Variants in CBLC observed in about 807,000 individuals in gnomAD.
The protein encoded by CBLC is Cbl proto-oncogene C, also known as E3 ubiquitin-protein ligase CBL-C.
In CBLC, 46 loss-of-function variants were observed where a neutral mutation model predicts 58.6. That is an observed-to-expected ratio of 0.79 (90% confidence interval 0.62 to 1.00). The LOEUF (loss-of-function observed/expected upper bound fraction) is 1.00, where lower values mean the gene tolerates loss of function less well. Among genes scored for constraint, CBLC ranks in the 50% least tolerant of loss-of-function variants. CBLC has a pLI of 0.00. For synonymous variants in CBLC, 271 were observed against 264.2 expected, an observed-to-expected ratio of 1.03 and a Z score of -0.25; for missense variants, 655 against 625.8, an observed-to-expected ratio of 1.05 and a Z score of -0.50.
chr19:44,796,799 G>A (rs2927444), intron 9 of CBLC, among the ~76,000 whole-genome samples: 3,231 of 152,042 alleles, frequency 0.021, 119 homozygotes, highest in African/African-American at 0.071. Context: ...ATCTCCGGCT[G>A]AGTACACACA....
At position 44,778,197 on chromosome 19, in the gene CBLC, C is replaced by A. The variant is rs1377862471; in HGVS notation, c.266C>A (p.Ala89Asp). 2.6e-6 allele frequency: 4 copies of A among 1,511,764 alleles called. No homozygotes were observed. In the East Asian group the frequency reaches 7.5e-5, roughly 28 times the overall value. 93.6% of individuals were successfully genotyped at this position (1,511,764 alleles called of 1,614,324 possible). The stretch of plus-strand genomic sequence containing the variant: ...CTCATCTACCTGGCCAATCTGGAGG[C>A]CAAGAGCAGGCAGGTGGCCGCGCTG... ...FLLIYLANLEAKSRQVAALLP... is the reference protein window; with the variant it reads ...FLLIYLANLEDKSRQVAALLP... Residue 89 changes from alanine to aspartate, a missense_variant, in exon 1 of 11, where the codon GCC (alanine) becomes GAC (aspartate). Physicochemically the swap from Ala to Asp is moderately radical, Grantham distance 126 (BLOSUM62 -2). Around this residue, in one of 3 missense-constraint regions of CBLC, gnomAD observed 280 missense variants for 237.2 expected, o/e 1.18. Coordinates refer to ENST00000647358, the MANE Select transcript of CBLC (RefSeq NM_012116.4).
At chr19:44,797,997 G>C (rs1968214023) in intron 9 of CBLC, among the ~76,000 whole-genome samples, 1 of 152,152 alleles carries the variant, frequency 6.6e-6, no homozygotes, top group Non-Finnish European at 1.5e-5. Flanking sequence ...CCGTGGTTGT[G>C]ATCTGTGTAT....
At chr19:44,793,441 A>G in intron 7 of CBLC, 33 bp from the exon 8 acceptor site, 2 of 1,567,590 alleles carry the variant, frequency 1.3e-6, no homozygotes, top group Non-Finnish European at 1.7e-6. Context: ...AGAGCAGGGG[A>G]GCACTGACCC....
chr19:44,791,538 G>T (rs1475248379), intron 6 of CBLC, among the ~76,000 whole-genome samples: 2 of 152,010 alleles, frequency 1.3e-5, no homozygotes, highest in African/African-American at 2.4e-5. Flanking sequence ...TTCGAGACTA[G>T]CATGGCCAAC....
chr19:44,792,140 T>C (rs1350754630), intron 6 of CBLC, among the ~76,000 whole-genome samples: 1 of 151,914 alleles, frequency 6.6e-6, no homozygotes, highest in Non-Finnish European at 1.5e-5. Flanking sequence ...ACTACAGGCA[T>C]GCACCACCAT....
intron 5 of CBLC, among the ~76,000 whole-genome samples, chr19:44,787,516 G>A (rs1242717721): frequency 1.3e-5 from 2 of 151,186 alleles, no homozygotes; most frequent in Non-Finnish European, 2.9e-5. Context: ...TATTTGCACC[G>A]GGCACCCAGC....
intron 9 of CBLC, among the ~76,000 whole-genome samples, chr19:44,797,453 G>C (rs1968200694): frequency 6.6e-6 from 1 of 151,928 alleles, no homozygotes; most frequent in Admixed American, 6.6e-5. Context: ...GTTTCATCAT[G>C]TTGGCCAGGC....
In CBLC at chr19:44,794,227, G is replaced by A. The variant is rs777033769; in HGVS notation, c.1308G>A (p.Leu436=). Residue 436 remains leucine (L), a synonymous_variant, in exon 9 of 11, where the codon TTG becomes TTA. Coordinates refer to ENST00000647358, the MANE Select transcript of CBLC (RefSeq NM_012116.4). ...AGGTGCCCCTTTCGGCTCCTCCATT[G>A]CCCCCACGGCCAGATCTGCCCCCCA... ...LGQVPLSAPP[L]PPRPDLPPRK... 33 of 1,611,970 alleles carry A rather than the reference G, an allele frequency of 2.0e-5. No homozygotes were observed. Among genetic ancestry groups the A allele is most frequent in the Non-Finnish European group, 2.6e-5 (31 of 1,179,186 alleles).
Position 44,793,623 on chromosome 19 carries a change from G to T in CBLC, c.1284+3G>T. The T allele has an allele frequency of 6.3e-7, 1 of 1,597,014 alleles. No individual in the cohort carries two copies. Among genetic ancestry groups the T allele is most frequent in the Non-Finnish European group, 8.5e-7 (1 of 1,173,358 alleles). On this transcript the variant is annotated splice_donor_region_variant and intron_variant, in intron 8 of 10. Coordinates refer to ENST00000647358, the MANE Select transcript of CBLC (RefSeq NM_012116.4). Reference sequence around the variant, plus strand: ...GCAGGGAGTTGGAGCTGGGGCAGGTGAGCAGGGCCAGCCGGGAGCTGGAAT... The same window carrying T: ...GCAGGGAGTTGGAGCTGGGGCAGGTTAGCAGGGCCAGCCGGGAGCTGGAAT...
intron 8 of CBLC, 68 bp from the exon 9 acceptor site, chr19:44,794,136 G>A: frequency 4.5e-6 from 7 of 1,555,228 alleles, no homozygotes; most frequent in Non-Finnish European, 6.1e-6. Context: ...GTCCCAGGCA[G>A]GAGAACATGG....
Position 44,793,544 on chromosome 19 carries a change from A to G in CBLC, c.1208A>G (p.Gln403Arg). 1 of 1,612,426 alleles carries G rather than the reference A, an allele frequency of 6.2e-7. No individual in the cohort carries two copies. Among genetic ancestry groups the G allele is most frequent in the Non-Finnish European group, 8.5e-7 (1 of 1,179,524 alleles). The change falls in exon 8 of 11, where the codon CAG becomes CGG. Residue 403 changes from glutamine to arginine, a missense_variant. By Grantham distance (43) the Gln-to-Arg change is conservative. Coordinates refer to ENST00000647358, the MANE Select transcript of CBLC (RefSeq NM_012116.4). ...GGCTGGGAGGCCGTGAGTATCTACC[A>G]GTTCCACGGTCAGGCTACTGCTGAG... ...IKGWEAVSIY[Q>R]FHGQATAEDS... is the part of the protein sequence containing the mutation.
At chr19:44,784,229 C>T in intron 4 of CBLC, 35 bp from the exon 5 acceptor site, 1 of 1,539,720 alleles carries the variant, frequency 6.5e-7, no homozygotes. Flanking sequence ...GCAGTGACCA[C>T]TCCCTCACCC....
At chr19:44,779,663 C>A (rs1429179145) in intron 1 of CBLC, among the ~76,000 whole-genome samples, 1 of 151,374 alleles carries the variant, frequency 6.6e-6, no homozygotes, top group Non-Finnish European at 1.5e-5. Context: ...GTGATCCTCC[C>A]ACCTCAGCCT....
chr19:44,780,845 G>C (rs1967703998), intron 1 of CBLC, 60 bp from the exon 2 acceptor site: 2 of 1,559,642 alleles, frequency 1.3e-6, no homozygotes, highest in Non-Finnish European at 1.7e-6. Flanking sequence ...CCCATGAGGG[G>C]AGGAAGAGGG....
intron 8 of CBLC, 48 bp downstream of exon 8, chr19:44,793,668 G>A: frequency 1.9e-6 from 3 of 1,542,540 alleles, no homozygotes; most frequent in Non-Finnish European, 2.6e-6. Context: ...TGAGGCCTGA[G>A]TGGGGAGGGA....
intron 3 of CBLC, among the ~76,000 whole-genome samples, chr19:44,781,654 C>T (rs1241751367): frequency 7.7e-6 from 1 of 129,288 alleles, no homozygotes; most frequent in African/African-American, 3.0e-5. Flanking sequence ...ACCTGGACTC[C>T]TGGGTCTGAG....
intron 4 of CBLC, 74 bp downstream of exon 4, chr19:44,782,565 A>G: frequency 1.6e-6 from 2 of 1,243,330 alleles, no homozygotes; most frequent in South Asian, 1.3e-5. Context: ...TGCGTGGTGG[A>G]GCCCAGATGT....
At position 44,790,049 on chromosome 19, in the gene CBLC, G is replaced by T; in HGVS notation, c.963G>T (p.Glu321Asp). 6.8e-6 allele frequency: 11 copies of T among 1,613,976 alleles called. No individual in the cohort carries two copies. The highest frequency in any genetic ancestry group is 9.3e-6 in the Non-Finnish European group (11 of 1,180,006). Residue 321 changes from glutamate (E) to aspartate (D), a missense_variant, in exon 6 of 11, where the codon GAG becomes GAT. By Grantham distance (45) the Glu-to-Asp change is conservative. Transcript: ENST00000647358. ...AGACCCACAACCCAGACCTGACTGA[G>T]CTCGGCCAGGCAGAACCCCAGCAGC... is the stretch of plus-strand genomic sequence containing the variant. ...DGKTHNPDLT[E>D]LGQAEPQQRI... is the part of the protein sequence containing the mutation.
intron 5 of CBLC, among the ~76,000 whole-genome samples, chr19:44,787,680 G>C (rs1349198220): frequency 6.6e-6 from 1 of 150,858 alleles, no homozygotes; most frequent in Non-Finnish European, 1.5e-5. Flanking sequence ...AACCAGGCAT[G>C]GTGGCAGGCG....
Sources: allele counts gnomAD v4.1 joint callset (sites outside exome capture counted in the v4.1 genomes callset), GRCh38; gene constraint gnomAD v4.1.1; regional missense constraint gnomAD v4.1.1; transcripts MANE v1.5; gene names NCBI Gene and HGNC (gene_info 2026-07-23, HGNC 2026-07-21).